Variants in TKT observed in about 807,000 individuals in gnomAD.
TKT encodes the protein transketolase.
TKT carries 47 observed loss-of-function variants against 63.9 expected under a neutral mutation model. The observed-to-expected ratio is 0.74, with a 90% CI of 0.58 to 0.94. TKT has a LOEUF of 0.94. Among genes scored for constraint, TKT ranks in the 40% least tolerant of loss-of-function variants. The probability of loss-of-function intolerance (pLI) is 0.00; values close to 1 mark genes in which losing one functional copy is unlikely to be tolerated. For synonymous variants in TKT, 338 were observed against 334.1 expected (o/e 1.01, Z -0.13); for missense variants, 721 against 846.2 (o/e 0.85, Z 1.84).
At position 53,228,356 on chromosome 3, in the gene TKT, T is replaced by C. The variant is rs1031037456; in HGVS notation, c.1399A>G (p.Ile467Val). Reference sequence around the variant, plus strand: ...GGGCGGCTGGTCCGGATGAAGCAGATACCCTGAGACCGAAACAGATAAACT... The same window carrying C: ...GGGCGGCTGGTCCGGATGAAGCAGACACCCTGAGACCGAAACAGATAAACT... ...AVELAANTKGICFIRTSRPEN... is the reference protein window; with the variant it reads ...AVELAANTKGVCFIRTSRPEN... Residue 467 changes from isoleucine (I) to valine (V), a missense_variant, in exon 11 of 14, where the codon ATC becomes GTC. Ile to Val is a conservative substitution (Grantham distance 29). Coordinates refer to ENST00000462138, the MANE Select transcript of TKT (RefSeq NM_001064.4). 6.2e-7 allele frequency: 1 copy of C among 1,614,056 alleles called. No homozygotes were observed. Among genetic ancestry groups the C allele is most frequent in the Non-Finnish European group, 8.5e-7 (1 of 1,180,004 alleles).
intron 1 of TKT, among the ~76,000 whole-genome samples, chr3:53,246,696 T>C (rs1419246009): frequency 6.6e-6 from 1 of 151,562 alleles, no homozygotes; most frequent in East Asian, 2.0e-4. Context: ...CTACTAAAAA[T>C]ACAAAATTAG....
chr3:53,248,475 AT>A (rs1212719305), intron 1 of TKT, among the ~76,000 whole-genome samples: 26 of 152,156 alleles, frequency 1.7e-4, no homozygotes, highest in African/African-American at 6.3e-4. Context: ...TCTACAAATA[AT>A]TTTTAAAATT....
intron 1 of TKT, among the ~76,000 whole-genome samples, chr3:53,247,857 T>C (rs1553681172): frequency 6.6e-6 from 1 of 151,952 alleles, no homozygotes; most frequent in Non-Finnish European, 1.5e-5. Flanking sequence ...CTAAAATAGC[T>C]CTTCTTCCCC....
At chr3:53,229,458 TC>T in intron 8 of TKT, 22 bp from the exon 9 acceptor site, 1 of 1,591,454 alleles carries the variant, frequency 6.3e-7, no homozygotes, top group Non-Finnish European at 8.5e-7. Context: ...TGGGACAGGG[TC>T]AGCCCAAAGG....
At chr3:53,226,935 C>G (rs1451999069) in intron 12 of TKT, 57 bp from the exon 13 acceptor site, 44 of 1,547,340 alleles carry the variant, frequency 2.8e-5, no homozygotes, top group Non-Finnish European at 3.5e-5. Context: ...ACTATCTGCC[C>G]TGGTGGGGGC....
chr3:53,230,713 C>T (rs572705704), intron 7 of TKT, 92 bp from the exon 8 acceptor site: 68 of 1,485,814 alleles, frequency 4.6e-5, no homozygotes, highest in Non-Finnish European at 5.4e-5. Context: ...AGGATTAAAA[C>T]GGGGCCAAAA....
In TKT at chr3:53,235,280, C is replaced by T. The variant is rs189664952; in HGVS notation, c.438-106G>A. On this transcript the variant is annotated intron_variant, in intron 4 of 13. Transcript: ENST00000462138. ...TGCATTCTGGGTAAAGGAGCAGCCACGCATGGATATGCAGAACAGATGGCA... is the reference window on the plus strand; with the variant it reads ...TGCATTCTGGGTAAAGGAGCAGCCATGCATGGATATGCAGAACAGATGGCA... 8.7e-4 allele frequency: 924 copies of T among 1,066,428 alleles called. 1 individual carries two copies. The highest frequency in any genetic ancestry group is 1.1e-3 in the Non-Finnish European group (853 of 768,004). 66.1% of individuals were successfully genotyped at this position (1,066,428 alleles called of 1,614,324 possible). A position where few individuals can be genotyped will look rare whatever the true frequency, so the allele number is the denominator to read the frequency against.
chr3:53,247,513 T>C (rs1705568257), intron 1 of TKT, among the ~76,000 whole-genome samples: 1 of 148,280 alleles, frequency 6.7e-6, no homozygotes, highest in Non-Finnish European at 1.5e-5. Flanking sequence ...TGCGGGCCAC[T>C]AGTCCCAGCT....
chr3:53,226,731 G>A, intron 13 of TKT, 25 bp downstream of exon 13: 6 of 1,613,928 alleles, frequency 3.7e-6, no homozygotes, highest in Non-Finnish European at 5.1e-6. Context: ...CCCTTGCCCA[G>A]CCTGCCTGCC....
At chr3:53,228,403 C>T (rs782695136) in intron 10 of TKT, 44 bp from the exon 11 acceptor site, 4 of 1,604,262 alleles carry the variant, frequency 2.5e-6, no homozygotes, top group African/African-American at 1.3e-5. Context: ...ATGTGGCACA[C>T]CCAACCTCAG....
At chr3:53,253,161 G>C (rs1705831916) in intron 1 of TKT, among the ~76,000 whole-genome samples, 1 of 152,038 alleles carries the variant, frequency 6.6e-6, no homozygotes, top group African/African-American at 2.4e-5. Flanking sequence ...TTTATTTTTG[G>C]AGACAGGGTC....
chr3:53,230,731 C>T (rs1461259939), intron 7 of TKT, 110 bp from the exon 8 acceptor site: 27 of 1,327,316 alleles, frequency 2.0e-5, no homozygotes, highest in Non-Finnish European at 2.3e-5. Flanking sequence ...AAAATGGAAG[C>T]CCTGGAGCAC....
At position 53,231,429 on chromosome 3, in the gene TKT, C is replaced by T. The variant is rs1376719901; in HGVS notation, c.870G>A (p.Gln290=). 3.1e-6 allele frequency: 5 copies of T among 1,614,044 alleles called. No homozygotes were observed. In the Admixed American group the frequency reaches 8.3e-5, roughly 27 times the overall value. ...CAATGTCCACTGAGGGTGCGTCCTC[C>T]TGTGGAGGGGTTGCCAGGATCTTCT... The part of the protein sequence containing the change: ...SKKKILATPP[Q]EDAPSVDIAN... The change falls in exon 7 of 14, where the codon CAG becomes CAA. Residue 290 remains glutamine (Q), a synonymous_variant. Transcript: ENST00000462138.
intron 4 of TKT, among the ~76,000 whole-genome samples, chr3:53,239,094 A>G (rs1265970129): frequency 1.3e-5 from 2 of 152,120 alleles, no homozygotes; most frequent in African/African-American, 4.8e-5. Context: ...TGATGGTTTT[A>G]AAAACGGGAG....
chr3:53,247,633 C>CAAAA (rs3075723), intron 1 of TKT, among the ~76,000 whole-genome samples: 4,080 of 66,772 alleles, frequency 0.061, 254 homozygotes, highest in South Asian at 0.082. Context: ...GACTCCACCT[C>CAAAA]AAAAAAAAAA....
chr3:53,231,439 G>C lies in TKT; in HGVS notation c.860C>G (p.Thr287Ser), dbSNP rs782350738. 6.2e-7 allele frequency: 1 copy of C among 1,614,186 alleles called. No individual in the cohort carries two copies. The highest frequency in any genetic ancestry group is 2.2e-5 in the East Asian group (1 of 44,886). The part of the protein sequence containing the change: ...QIQSKKKILA[T>S]PPQEDAPSVD... The stretch of plus-strand genomic sequence containing the variant: ...TGAGGGTGCGTCCTCCTGTGGAGGG[G>C]TTGCCAGGATCTTCTTTTTGCTCTG... Residue 287 changes from threonine (T) to serine (S), a missense_variant, in exon 7 of 14, where the codon ACC becomes AGC. Coordinates refer to ENST00000462138, the MANE Select transcript of TKT (RefSeq NM_001064.4).
At chr3:53,227,984 G>C in intron 12 of TKT, 72 bp downstream of exon 12, 4 of 1,337,550 alleles carry the variant, frequency 3.0e-6, no homozygotes, top group Non-Finnish European at 4.2e-6. Context: ...CAGAAAGAAC[G>C]AAAGAAAGAA....
chr3:53,228,933 G>T, intron 10 of TKT, 74 bp downstream of exon 10: 1 of 1,591,270 alleles, frequency 6.3e-7, no homozygotes, highest in Non-Finnish European at 8.6e-7. Context: ...CAAGTGACCA[G>T]CTCTGGCCTC....
At chr3:53,231,804 AG>A (rs1213790825) in intron 6 of TKT, 2 of 515,116 alleles carry the variant, frequency 3.9e-6, no homozygotes, top group African/African-American at 1.9e-5. Context: ...GTGGGAAAGG[AG>A]GGGCCAGACG....
Sources: gnomAD v4.1 joint callset for allele counts (sites outside exome capture counted in the v4.1 genomes callset) on GRCh38, gnomAD v4.1.1 for gene constraint, MANE v1.5 for transcripts, NCBI Gene and HGNC (gene_info 2026-07-23, HGNC 2026-07-21) for gene names.